The following MAF variants were observed in gnomAD, a reference collection of about 807,000 sequenced individuals.
The protein encoded by MAF is transcription factor Maf.
Under a neutral mutation model 22.0 loss-of-function variants are expected in MAF, and 10 were observed. That is an observed-to-expected ratio of 0.45 (90% CI 0.28 to 0.77). MAF has a LOEUF of 0.77. Among genes scored for constraint, MAF ranks in the 30% least tolerant of loss-of-function variants. The pLI is 0.12. For synonymous variants in MAF, 337 were observed against 255.8 expected, an observed-to-expected ratio of 1.32 and a Z score of -3.03; for missense variants, 544 against 548.4, an observed-to-expected ratio of 0.99 and a Z score of 0.08.
At chr16:79,391,021 A>G in the MAF span, among the ~76,000 whole-genome samples, 8 of 152,132 alleles carry the variant, frequency 5.3e-5, no homozygotes, top group Admixed American at 5.2e-4. Flanking sequence ...GGCTTCCGTC[A>G]CACTGCCAGG....
At chr16:79,494,112 A>G in the MAF span, among the ~76,000 whole-genome samples, 1 of 152,186 alleles carries the variant, frequency 6.6e-6, no homozygotes, top group African/African-American at 2.4e-5. Flanking sequence ...ACACAGTTGT[A>G]TTGGTTTTCC....
chr16:79,370,856 TTG>T, the MAF span, among the ~76,000 whole-genome samples: 4 of 151,754 alleles, frequency 2.6e-5, no homozygotes, highest in Non-Finnish European at 4.4e-5. Context: ...AGTGGTGTGG[TTG>T]TCTTTCTCCA....
At chr16:79,569,786 G>A in the MAF span, among the ~76,000 whole-genome samples, 21 of 152,188 alleles carry the variant, frequency 1.4e-4, no homozygotes, top group Non-Finnish European at 2.4e-4. Context: ...CTTTTCAGAT[G>A]ATTTTCACAA....
chr16:79,544,864 T>C, the MAF span, among the ~76,000 whole-genome samples: 2 of 152,122 alleles, frequency 1.3e-5, no homozygotes, highest in Admixed American at 6.5e-5. Flanking sequence ...CATTCATTCA[T>C]GTTTGGTAAA....
the MAF span, among the ~76,000 whole-genome samples, chr16:79,401,789 G>C: frequency 6.6e-6 from 1 of 152,180 alleles, no homozygotes. Flanking sequence ...CAGAGTCTAG[G>C]ACAAGAGCTG....
At chr16:79,539,826 ACT>A in the MAF span, among the ~76,000 whole-genome samples, 1 of 152,184 alleles carries the variant, frequency 6.6e-6, no homozygotes, top group Admixed American at 6.5e-5. Context: ...CATGTCAGAC[ACT>A]CTGAGGCATG....
At chr16:79,311,875 C>G in the MAF span, among the ~76,000 whole-genome samples, 3 of 152,102 alleles carry the variant, frequency 2.0e-5, no homozygotes, top group Non-Finnish European at 4.4e-5. Context: ...AAAATGGGCA[C>G]ACGGACCTCA....
chr16:79,550,072 T>C, the MAF span, among the ~76,000 whole-genome samples: 1 of 152,252 alleles, frequency 6.6e-6, no homozygotes, highest in Admixed American at 6.5e-5. Context: ...CTCTAGCTTT[T>C]CCTCAAGCTC....
At chr16:79,496,489 A>T in the MAF span, among the ~76,000 whole-genome samples, 1 of 152,212 alleles carries the variant, frequency 6.6e-6, no homozygotes, top group African/African-American at 2.4e-5. Flanking sequence ...TCCCTGCATG[A>T]CACTCCTCAG....
chr16:79,464,577 T>G, the MAF span, among the ~76,000 whole-genome samples: 1 of 152,244 alleles, frequency 6.6e-6, no homozygotes, highest in Non-Finnish European at 1.5e-5. Flanking sequence ...AACACCTGTC[T>G]GCAGAGTAGA....
the MAF span, among the ~76,000 whole-genome samples, chr16:79,341,567 C>A: frequency 6.6e-6 from 1 of 152,216 alleles, no homozygotes; most frequent in African/African-American, 2.4e-5. Context: ...TTCTTCCCCA[C>A]CCCTGGAGTG....
At chr16:79,276,733 A>T in the MAF span, among the ~76,000 whole-genome samples, 1 of 152,146 alleles carries the variant, frequency 6.6e-6, no homozygotes, top group African/African-American at 2.4e-5. Context: ...AAAAGGATAA[A>T]GCTTCCCTGT....
At chr16:79,347,737 G>T in the MAF span, among the ~76,000 whole-genome samples, 10 of 152,114 alleles carry the variant, frequency 6.6e-5, no homozygotes, top group African/African-American at 2.2e-4. Context: ...CCAGCTCTGT[G>T]GCACAACCCG....
chr16:79,344,784 A>G, the MAF span, among the ~76,000 whole-genome samples: 1 of 152,156 alleles, frequency 6.6e-6, no homozygotes, highest in East Asian at 1.9e-4. Context: ...TTGCATTTTT[A>G]ACACATGCTT....
chr16:79,294,083 T>C, the MAF span, among the ~76,000 whole-genome samples: 2 of 152,168 alleles, frequency 1.3e-5, no homozygotes, highest in Non-Finnish European at 2.9e-5. Context: ...TACCTGGTAA[T>C]CTACTGAACC....
the MAF span, among the ~76,000 whole-genome samples, chr16:79,508,563 G>T: frequency 2.0e-5 from 3 of 152,122 alleles, no homozygotes; most frequent in Non-Finnish European, 4.4e-5. Context: ...TGCACCAAAG[G>T]CTCCCCAGCT....
chr16:79,449,229 C>T, the MAF span, among the ~76,000 whole-genome samples: 3 of 152,214 alleles, frequency 2.0e-5, no homozygotes, highest in South Asian at 2.1e-4. Context: ...TGTAAATACA[C>T]ATGAAGCTTC....
At chr16:79,551,659 G>A in the MAF span, among the ~76,000 whole-genome samples, 1 of 152,248 alleles carries the variant, frequency 6.6e-6, no homozygotes, top group African/African-American at 2.4e-5. Context: ...CAGCCCAGGA[G>A]CTCAAAATTA....
At chr16:79,469,660 G>T in the MAF span, among the ~76,000 whole-genome samples, 14 of 152,158 alleles carry the variant, frequency 9.2e-5, 1 homozygote, top group African/African-American at 3.4e-4. Context: ...GCAGTGGCGT[G>T]ATCTCAGCTC....
Sources: allele counts gnomAD v4.1 joint callset (sites outside exome capture counted in the v4.1 genomes callset), GRCh38; gene constraint gnomAD v4.1.1; transcripts MANE v1.5; gene names NCBI Gene and HGNC (gene_info 2026-07-23, HGNC 2026-07-21).